DAB1: variants seen among roughly 807,000 people sequenced by gnomAD.
DAB1 encodes the protein DAB adaptor protein 1.
Under a neutral mutation model 64.6 loss-of-function variants are expected in DAB1, and 15 were observed. The observed-to-expected ratio is 0.23, with a 90% confidence interval of 0.16 to 0.36. The LOEUF (loss-of-function observed/expected upper bound fraction) is 0.36. DAB1 is among the 10% of genes least tolerant of loss of function. DAB1 has a pLI of 1.00. For synonymous variants in DAB1, 235 were observed against 251.9 expected, an observed-to-expected ratio of 0.93 and a Z score of 0.64; for missense variants, 596 against 706.7, an observed-to-expected ratio of 0.84 and a Z score of 1.78.
At chr1:58,367,048 A>G (rs1354100907) in intron 3 of DAB1, among the ~76,000 whole-genome samples, 1 of 152,216 alleles carries the variant, frequency 6.6e-6, no homozygotes, top group Non-Finnish European at 1.5e-5. Flanking sequence ...GAAAATAATT[A>G]TGCATCTTAT....
chr1:57,129,813 C>G (rs970823492), intron 4 of DAB1, among the ~76,000 whole-genome samples: 3 of 152,172 alleles, frequency 2.0e-5, no homozygotes, highest in African/African-American at 7.2e-5. Context: ...AAACTAGCAT[C>G]TTTGGTATAT....
At chr1:57,082,359 G>A (rs1652632737) in intron 4 of DAB1, among the ~76,000 whole-genome samples, 1 of 152,106 alleles carries the variant, frequency 6.6e-6, no homozygotes, top group South Asian at 2.1e-4. Context: ...TTCCACTTCA[G>A]TCAACCGTTG....
chr1:57,363,554 G>A (rs1440862751), intron 1 of DAB1, among the ~76,000 whole-genome samples: 2 of 152,140 alleles, frequency 1.3e-5, no homozygotes, highest in African/African-American at 4.8e-5. Flanking sequence ...ACCTCATAGT[G>A]TTTTTGTGAA....
intron 3 of DAB1, among the ~76,000 whole-genome samples, chr1:58,461,620 G>C (rs1468041667): frequency 6.6e-6 from 1 of 152,140 alleles, no homozygotes; most frequent in Non-Finnish European, 1.5e-5. Context: ...AGCTAAAAAA[G>C]GGTCAGAAAG....
intron 7 of DAB1, among the ~76,000 whole-genome samples, chr1:57,520,428 C>T (rs1359053276): frequency 6.6e-6 from 1 of 152,044 alleles, no homozygotes; most frequent in African/African-American, 2.4e-5. Flanking sequence ...CATATGACTA[C>T]TTTATTCTAC....
At chr1:58,513,027 T>C (rs940466758) in intron 2 of DAB1, among the ~76,000 whole-genome samples, 1 of 152,156 alleles carries the variant, frequency 6.6e-6, no homozygotes, top group Admixed American at 6.6e-5. Flanking sequence ...TAAGAACTTA[T>C]TAAGCAACTG....
chr1:57,128,639 C>T (rs951941858), intron 4 of DAB1, among the ~76,000 whole-genome samples: 12 of 151,998 alleles, frequency 7.9e-5, no homozygotes, highest in Non-Finnish European at 1.0e-4. Flanking sequence ...AACAGGGGCC[C>T]GTACAGCAAG....
At chr1:57,941,669 T>C (rs1269778106) in intron 5 of DAB1, among the ~76,000 whole-genome samples, 1 of 152,126 alleles carries the variant, frequency 6.6e-6, no homozygotes, top group Admixed American at 6.5e-5. Context: ...ACCCCATCTC[T>C]ACTAAAAATA....
chr1:57,679,129 T>C (rs572615104), intron 6 of DAB1, among the ~76,000 whole-genome samples: 1 of 152,238 alleles, frequency 6.6e-6, no homozygotes, highest in Admixed American at 6.5e-5. Flanking sequence ...TACAGAGAAG[T>C]TTAACAACTT....
intron 1 of DAB1, chr1:57,873,844 A>T (rs1643996359): frequency 6.6e-6 from 1 of 152,190 alleles, no homozygotes; most frequent in African/African-American, 2.4e-5. Context: ...AATACTGTAT[A>T]TAATAGTATT....
chr1:57,560,790 A>G (rs1349188867), intron 7 of DAB1, among the ~76,000 whole-genome samples: 1 of 152,192 alleles, frequency 6.6e-6, no homozygotes, highest in African/African-American at 2.4e-5. Context: ...ATGCCCCCAT[A>G]GGTGAATCAC....
intron 5 of DAB1, among the ~76,000 whole-genome samples, chr1:57,937,980 C>A (rs1394655576): frequency 6.6e-6 from 1 of 152,214 alleles, no homozygotes; most frequent in Non-Finnish European, 1.5e-5. Flanking sequence ...GGGCTAAGCT[C>A]TTGTTCAGAT....
chr1:57,667,490 T>G (rs1051568079), intron 6 of DAB1, among the ~76,000 whole-genome samples: 1 of 152,132 alleles, frequency 6.6e-6, no homozygotes, highest in Non-Finnish European at 1.5e-5. Flanking sequence ...AATGAAACCT[T>G]CAGCAGAGCA....
chr1:57,722,348 C>T (rs902370736), intron 6 of DAB1, among the ~76,000 whole-genome samples: 10 of 152,132 alleles, frequency 6.6e-5, no homozygotes, highest in Admixed American at 2.6e-4. Flanking sequence ...AAAAAAACAC[C>T]TCTAAGGAGA....
intron 2 of DAB1, among the ~76,000 whole-genome samples, chr1:57,224,074 G>T (rs1381567367): frequency 1.3e-5 from 2 of 152,132 alleles, no homozygotes; most frequent in Non-Finnish European, 2.9e-5. Flanking sequence ...TTGCTAGTTT[G>T]TAATTATCCT....
intron 3 of DAB1, among the ~76,000 whole-genome samples, chr1:58,452,188 C>A (rs1315674670): frequency 6.6e-6 from 1 of 151,994 alleles, no homozygotes; most frequent in East Asian, 1.9e-4. Flanking sequence ...CCCACCTTGG[C>A]CTTCCAAAGT....
intron 3 of DAB1, among the ~76,000 whole-genome samples, chr1:58,355,660 G>A (rs1644103618): frequency 6.6e-6 from 1 of 152,122 alleles, no homozygotes; most frequent in Admixed American, 6.6e-5. Context: ...GAAGGCATCT[G>A]CCCCCTGGAG....
intron 1 of DAB1, chr1:57,307,053 A>G (rs1357186332): frequency 6.6e-6 from 1 of 152,240 alleles, no homozygotes; most frequent in East Asian, 1.9e-4. Flanking sequence ...ACCTTGTCAG[A>G]ACATAGCAAC....
chr1:57,822,736 A>G (rs1652175287), downstream of DAB1, among the ~76,000 whole-genome samples: 1 of 152,230 alleles, frequency 6.6e-6, no homozygotes, highest in African/African-American at 2.4e-5. Context: ...ATTTTCTAGT[A>G]GCCACATTAA....
Sources: allele counts gnomAD v4.1 joint callset (sites outside exome capture counted in the v4.1 genomes callset), GRCh38; gene constraint gnomAD v4.1.1; transcripts MANE v1.5; gene names NCBI Gene and HGNC (gene_info 2026-07-23, HGNC 2026-07-21).